The following NCALD variants were observed in gnomAD, a reference collection of about 807,000 sequenced individuals.
NCALD encodes the protein neurocalcin delta, also known as neurocalcin-delta.
Under a neutral mutation model 18.6 loss-of-function variants are expected in NCALD, and 10 were observed. The observed-to-expected ratio is 0.54, with a 90% CI of 0.33 to 0.91. The LOEUF (loss-of-function observed/expected upper bound fraction) is 0.91. NCALD is among the 40% of genes least tolerant of loss of function. The pLI, the probability that NCALD is intolerant of heterozygous loss-of-function variation, is 0.03. For synonymous variants in NCALD, 88 were observed against 87.4 expected, an observed-to-expected ratio of 1.01 and a Z score of -0.04; for missense variants, 184 against 247.6, an observed-to-expected ratio of 0.74 and a Z score of 1.72.
chr8:101,804,461 TA>T (rs1276714625), intron 4 of NCALD, among the ~76,000 whole-genome samples: 1 of 128,394 alleles, frequency 7.8e-6, no homozygotes, highest in East Asian at 2.0e-4. Context: ...AATTATATAA[TA>T]TATAACAAAG....
chr8:101,962,205 G>A (rs1319066564), intron 2 of NCALD, among the ~76,000 whole-genome samples: 1 of 152,012 alleles, frequency 6.6e-6, no homozygotes, highest in Admixed American at 6.6e-5. Flanking sequence ...ATGACTCCTG[G>A]GCAACAAGTT....
chr8:101,774,303 T>C (rs193288824), intron 1 of NCALD, among the ~76,000 whole-genome samples: 122 of 152,316 alleles, frequency 8.0e-4, no homozygotes, highest in Non-Finnish European at 1.4e-3. Flanking sequence ...TTGAAACAGG[T>C]GTGCTTCAGC....
intron 2 of NCALD, among the ~76,000 whole-genome samples, chr8:101,700,016 T>G (rs1286887587): frequency 6.6e-6 from 1 of 151,808 alleles, no homozygotes; most frequent in Non-Finnish European, 1.5e-5. Context: ...ACAAGACTGA[T>G]ATGCTCTCTA....
At chr8:101,902,218 G>A (rs1442683230) in intron 3 of NCALD, among the ~76,000 whole-genome samples, 2 of 148,874 alleles carry the variant, frequency 1.3e-5, no homozygotes, top group African/African-American at 4.9e-5. Flanking sequence ...CTACTTATAA[G>A]TTCACTGATT....
chr8:101,903,621 A>G (rs1229087847), intron 3 of NCALD, among the ~76,000 whole-genome samples: 1 of 152,132 alleles, frequency 6.6e-6, no homozygotes, highest in East Asian at 1.9e-4. Context: ...TTCCCTGGGT[A>G]GACAGCACTC....
At chr8:101,986,278 GC>G (rs1820808554) in intron 2 of NCALD, among the ~76,000 whole-genome samples, 2 of 152,174 alleles carry the variant, frequency 1.3e-5, no homozygotes, top group Admixed American at 6.5e-5. Context: ...TAATCTGCCT[GC>G]CTCAGCCTCC....
At chr8:102,075,311 T>G (rs562529847) in intron 1 of NCALD, among the ~76,000 whole-genome samples, 3 of 152,256 alleles carry the variant, frequency 2.0e-5, no homozygotes, top group African/African-American at 7.2e-5. Flanking sequence ...ACTATAAAAC[T>G]ATAGGATTAC....
chr8:101,955,431 G>C (rs1225830039), intron 2 of NCALD, among the ~76,000 whole-genome samples: 1 of 152,102 alleles, frequency 6.6e-6, no homozygotes, highest in African/African-American at 2.4e-5. Context: ...TGACTCTTCT[G>C]AAAAAATAAA....
At chr8:101,792,005 C>T (rs190999866), upstream of NCALD, among the ~76,000 whole-genome samples, 7 of 152,008 alleles carry the variant, frequency 4.6e-5, no homozygotes, top group South Asian at 8.3e-4. Context: ...AATGGGAAGC[C>T]GATTAAACAA....
intron 1 of NCALD, among the ~76,000 whole-genome samples, chr8:102,056,753 G>A (rs555497407): frequency 6.6e-6 from 1 of 152,332 alleles, no homozygotes; most frequent in African/African-American, 2.4e-5. Flanking sequence ...GGCTAAGGCC[G>A]TACACCTACT....
At chr8:102,012,403 A>G (rs1821935175) in intron 2 of NCALD, among the ~76,000 whole-genome samples, 1 of 152,130 alleles carries the variant, frequency 6.6e-6, no homozygotes. Flanking sequence ...GTCAACTCCA[A>G]CTCCCGGGCT....
At chr8:102,003,203 C>T (rs986800083) in intron 2 of NCALD, among the ~76,000 whole-genome samples, 61 of 152,268 alleles carry the variant, frequency 4.0e-4, no homozygotes, top group Admixed American at 1.8e-3. Flanking sequence ...GGGATATCAC[C>T]ACCGATCCCA....
chr8:102,018,712 G>T (rs2132093027), intron 2 of NCALD, among the ~76,000 whole-genome samples: 1 of 152,174 alleles, frequency 6.6e-6, no homozygotes, highest in East Asian at 1.9e-4. Context: ...TATTTTAAGA[G>T]AATGAATTTT....
intron 1 of NCALD, among the ~76,000 whole-genome samples, chr8:101,763,966 C>CCCTCTCTCCACA (rs1554624883): frequency 1.3e-4 from 11 of 85,294 alleles, no homozygotes; most frequent in East Asian, 1.1e-3. Flanking sequence ...CTCTCTCTCT[C>CCCTCTCTCCACA]CACACACACA....
At position 102,073,147 on chromosome 8, in the gene NCALD, C is replaced by G. The variant is rs1682294601; in HGVS notation, c.-210+51090G>C. Among the ~76,000 whole-genome samples the G allele has an allele frequency of 2.0e-5, 3 of 151,982 alleles. No homozygotes were observed. The South Asian group carries it at 6.2e-4, about 32-fold the overall frequency. Reference sequence around the variant, plus strand: ...TTGCAAAGTTATTTTTTAAATCACCCTTTTATAGCTGGGCATGGTGGCACA... The same window carrying G: ...TTGCAAAGTTATTTTTTAAATCACCGTTTTATAGCTGGGCATGGTGGCACA... On this transcript the variant is annotated intron_variant, in intron 1 of 6. Coordinates refer to the NCALD transcript ENST00000311028.
intron 1 of NCALD, among the ~76,000 whole-genome samples, chr8:102,101,723 T>G (rs2132415486): frequency 6.6e-6 from 1 of 152,208 alleles, no homozygotes; most frequent in East Asian, 1.9e-4. Flanking sequence ...GATTCCCACA[T>G]TAGTCTCAGA....
intron 1 of NCALD, among the ~76,000 whole-genome samples, chr8:101,748,743 A>G (rs1810531316): frequency 6.6e-6 from 1 of 152,240 alleles, no homozygotes; most frequent in African/African-American, 2.4e-5. Flanking sequence ...GACACAGCAA[A>G]CAAGTGGTAG....
Position 101,714,762 on chromosome 8 carries a change from C to T in NCALD, c.378+4490G>A, listed in dbSNP as rs577185404. On this transcript the variant is annotated intron_variant, in intron 2 of 3. Coordinates refer to ENST00000220931, the MANE Select transcript of NCALD (RefSeq NM_032041.3). The stretch of plus-strand genomic sequence containing the variant: ...CTGTAATCCCAGCACTTTGGGAGGC[C>T]GAGGCGGGTGGATCATGAGGTCAGG... Among the ~76,000 whole-genome samples, 57 of 151,046 alleles carry T rather than the reference C, an allele frequency of 3.8e-4. 1 individual carries two copies. Among genetic ancestry groups the T allele is most frequent in the Admixed American group, 3.0e-3 (45 of 15,234 alleles).
At chr8:101,957,288 G>GTTTTT (rs1563932101) in intron 2 of NCALD, among the ~76,000 whole-genome samples, 18 of 128,180 alleles carry the variant, frequency 1.4e-4, no homozygotes, top group African/African-American at 5.3e-4. Context: ...GAAAAGTTGG[G>GTTTTT]GTTTTTTTTT....
Sources: allele counts gnomAD v4.1 joint callset (sites outside exome capture counted in the v4.1 genomes callset), GRCh38; gene constraint gnomAD v4.1.1; transcripts MANE v1.5; gene names NCBI Gene and HGNC (gene_info 2026-07-23, HGNC 2026-07-21).